The following CNTNAP2 variants were observed in gnomAD, a reference collection of about 807,000 sequenced individuals.
CNTNAP2 encodes contactin-associated protein-like 2.
CNTNAP2 carries 98 observed loss-of-function variants against 155.2 expected under a neutral mutation model. The observed-to-expected ratio is 0.63, with a 90% CI of 0.54 to 0.75. CNTNAP2 has a LOEUF of 0.75. CNTNAP2 is among the 30% of genes least tolerant of loss of function. The pLI, the probability that CNTNAP2 is intolerant of heterozygous loss-of-function variation, is 0.00. For missense variants in CNTNAP2, 1,727 were observed against 1,688.1 expected (o/e 1.02, Z -0.40); for synonymous variants, 651 against 631.2 (o/e 1.03, Z -0.47).
chr7:147,082,096 A>G (rs1584825999), intron 4 of CNTNAP2: 1 of 152,200 alleles, frequency 6.6e-6, no homozygotes, highest in African/African-American at 2.4e-5. Flanking sequence ...GTGCTAGGAA[A>G]AAAAAGAAAG....
chr7:148,372,513 G>A (rs1585317634), intron 21 of CNTNAP2, among the ~76,000 whole-genome samples: 2 of 152,178 alleles, frequency 1.3e-5, no homozygotes, highest in African/African-American at 2.4e-5. Flanking sequence ...TTAAAAACCA[G>A]CCTGATCAAC....
intron 14 of CNTNAP2, among the ~76,000 whole-genome samples, chr7:147,969,746 G>A (rs2254307): frequency 0.83 from 125,827 of 151,960 alleles, 52,705 homozygotes; most frequent in South Asian, 0.92. Flanking sequence ...ACTAACTTTG[G>A]CTTGAGTTAT....
rs138304912 is a variant in CNTNAP2 at position 146,851,891 on chromosome 7, G to A, written c.402+11987G>A. 4.1e-3 allele frequency among the ~76,000 whole-genome samples: 628 copies of A among 151,734 alleles called. 3 individuals carry two copies. Among genetic ancestry groups the A allele is most frequent in the African/African-American group, 0.014 (596 of 41,288 alleles). Reference sequence around the variant, plus strand: ...TTGTAGTGATGGGTCTCACTTTGTTGTCCAGGTGGGTCTTGAACTCCTGAG... The same window carrying A: ...TTGTAGTGATGGGTCTCACTTTGTTATCCAGGTGGGTCTTGAACTCCTGAG... On this transcript the variant is annotated intron_variant, in intron 3 of 23. Coordinates refer to ENST00000361727, the MANE Select transcript of CNTNAP2 (RefSeq NM_014141.6).
intron 18 of CNTNAP2, among the ~76,000 whole-genome samples, chr7:148,201,556 T>C (rs1388871113): frequency 6.6e-6 from 1 of 152,200 alleles, no homozygotes; most frequent in African/African-American, 2.4e-5. Context: ...TCTTCAAAAG[T>C]TTCCCTTTTT....
chr7:147,938,645 C>T (rs565324582), intron 14 of CNTNAP2, among the ~76,000 whole-genome samples: 20 of 152,006 alleles, frequency 1.3e-4, no homozygotes, highest in East Asian at 1.9e-4. Flanking sequence ...AGGCAAACCA[C>T]GTAAATTAAG....
intron 11 of CNTNAP2, among the ~76,000 whole-genome samples, chr7:147,487,703 C>CA (rs5888261): frequency 0.012 from 1,832 of 147,188 alleles, 14 homozygotes; most frequent in Admixed American, 0.027. Context: ...AGCAAAAAGG[C>CA]AAAAAAAAAA....
At chr7:146,260,718 CT>C (rs1563012327) in intron 1 of CNTNAP2, among the ~76,000 whole-genome samples, 2 of 152,150 alleles carry the variant, frequency 1.3e-5, no homozygotes, top group African/African-American at 4.8e-5. Context: ...AATTAGCTAA[CT>C]TGTTTTTTAT....
intron 1 of CNTNAP2, among the ~76,000 whole-genome samples, chr7:146,716,227 A>G (rs73457248): frequency 0.094 from 14,196 of 151,516 alleles, 1,028 homozygotes; most frequent in African/African-American, 0.19. Flanking sequence ...AAAAAAAAAA[A>G]AAAAAGGCAT....
At chr7:147,958,763 A>G (rs1801067325) in intron 14 of CNTNAP2, among the ~76,000 whole-genome samples, 1 of 152,198 alleles carries the variant, frequency 6.6e-6, no homozygotes. Flanking sequence ...CGTATATTCT[A>G]ATAAGACAGA....
chr7:146,151,329 A>G (rs185437239), intron 1 of CNTNAP2, among the ~76,000 whole-genome samples: 23 of 152,018 alleles, frequency 1.5e-4, no homozygotes, highest in African/African-American at 5.1e-4. Context: ...TGAATATAGT[A>G]CTCGTACTTA....
intron 8 of CNTNAP2, among the ~76,000 whole-genome samples, chr7:147,189,759 T>C (rs1470503155): frequency 6.6e-6 from 1 of 152,008 alleles, no homozygotes; most frequent in Non-Finnish European, 1.5e-5. Context: ...TTGTTGTTGT[T>C]GTTGAGACGG....
At chr7:147,898,809 C>T (rs565286660) in intron 13 of CNTNAP2, among the ~76,000 whole-genome samples, 6 of 152,276 alleles carry the variant, frequency 3.9e-5, no homozygotes, top group East Asian at 1.9e-4. Context: ...TGAGCCACCA[C>T]GTCCAGCCCC....
At chr7:147,577,175 TCA>T (rs1361486690) in intron 12 of CNTNAP2, among the ~76,000 whole-genome samples, 5 of 152,064 alleles carry the variant, frequency 3.3e-5, no homozygotes, top group African/African-American at 1.2e-4. Context: ...ACTAACAGTG[TCA>T]CTGATGATCC....
At chr7:147,461,551 C>A (rs543592566) in intron 10 of CNTNAP2, among the ~76,000 whole-genome samples, 1 of 151,566 alleles carries the variant, frequency 6.6e-6, no homozygotes, top group African/African-American at 2.4e-5. Context: ...TTAACAAAAC[C>A]GATTTTCATT....
intron 15 of CNTNAP2, among the ~76,000 whole-genome samples, chr7:147,993,781 A>T (rs567164995): frequency 1.3e-5 from 2 of 152,102 alleles, no homozygotes; most frequent in South Asian, 4.1e-4. Context: ...TGGAACATCA[A>T]TTTTCAGGAT....
chr7:147,393,510 T>C (rs1796758638), intron 9 of CNTNAP2, among the ~76,000 whole-genome samples: 1 of 149,546 alleles, frequency 6.7e-6, no homozygotes, highest in African/African-American at 2.5e-5. Flanking sequence ...CAGAAACAAA[T>C]GACAGTCTTC....
At position 146,984,694 on chromosome 7, in the gene CNTNAP2, C is replaced by T. The variant is rs191237183; in HGVS notation, c.403-59213C>T. Among the ~76,000 whole-genome samples, 329 of 152,280 alleles carry T rather than the reference C, an allele frequency of 2.2e-3. 4 individuals are homozygous for T. Among genetic ancestry groups the T allele is most frequent in the Non-Finnish European group, 1.2e-3 (81 of 68,012 alleles). On this transcript the variant is annotated intron_variant, in intron 3 of 23. Coordinates refer to ENST00000361727, the MANE Select transcript of CNTNAP2 (RefSeq NM_014141.6). ...GTGGTTCATTGAAATAGCTCCACAT[C>T]CTCATTAAGTTTATTTTTATAGTAT...
At chr7:147,013,190 A>G (rs1450194015) in intron 3 of CNTNAP2, among the ~76,000 whole-genome samples, 4 of 152,142 alleles carry the variant, frequency 2.6e-5, no homozygotes, top group East Asian at 3.9e-4. Flanking sequence ...TTTTGAATAG[A>G]TTCAAATAGA....
chr7:146,638,629 CA>C (rs1799649368), intron 1 of CNTNAP2, among the ~76,000 whole-genome samples: 2 of 151,452 alleles, frequency 1.3e-5, no homozygotes, highest in Admixed American at 1.3e-4. Context: ...GGACTACAGG[CA>C]CCCGCCACCA....
Sources: gnomAD v4.1 joint callset for allele counts (sites outside exome capture counted in the v4.1 genomes callset) on GRCh38, gnomAD v4.1.1 for gene constraint, MANE v1.5 for transcripts, NCBI Gene and HGNC (gene_info 2026-07-23, HGNC 2026-07-21) for gene names.